Variants in MCMBP observed in about 807,000 individuals in gnomAD.
MCMBP encodes minichromosome maintenance complex binding protein.
A neutral mutation model predicts 81.3 loss-of-function variants in MCMBP; 31 were observed. The observed-to-expected ratio is 0.38, with a 90% confidence interval of 0.29 to 0.51. The LOEUF (loss-of-function observed/expected upper bound fraction) is 0.51, where lower values mean the gene tolerates loss of function less well. Ranked by LOEUF, MCMBP falls within the 20% of genes least tolerant of loss-of-function variation. The pLI, the probability that MCMBP is intolerant of heterozygous loss-of-function variation, is 0.87. For missense variants in MCMBP, 645 were observed against 772.1 expected (o/e 0.84, Z 1.95); for synonymous variants, 267 against 275.9 (o/e 0.97, Z 0.32).
intron 10 of MCMBP, 99 bp downstream of exon 10, chr10:119,842,373 C>T (rs1852462132): frequency 7.4e-7 from 1 of 1,350,922 alleles, no homozygotes; most frequent in Non-Finnish European, 1.0e-6. Context: ...GTGATGAAGC[C>T]CAATAAGGAA....
intron 14 of MCMBP, 48 bp downstream of exon 14, chr10:119,835,492 A>C (rs560047234): frequency 5.3e-6 from 8 of 1,512,370 alleles, no homozygotes; most frequent in African/African-American, 1.4e-5. Context: ...AATTGGTTGC[A>C]TACTGCAATT....
chr10:119,853,415 T>C (rs1275924269), intron 5 of MCMBP, among the ~76,000 whole-genome samples: 1 of 152,190 alleles, frequency 6.6e-6, no homozygotes, highest in Non-Finnish European at 1.5e-5. Flanking sequence ...GGACAAAATA[T>C]GTGAAGCAAC....
At chr10:119,846,466 T>C (rs1050139415) in intron 8 of MCMBP, among the ~76,000 whole-genome samples, 3 of 152,128 alleles carry the variant, frequency 2.0e-5, no homozygotes, top group Non-Finnish European at 2.9e-5. Context: ...CTAAAATAAA[T>C]TGGTGAAAGT....
chr10:119,833,687 G>A (rs1050863913), intron 14 of MCMBP, among the ~76,000 whole-genome samples: 1 of 151,942 alleles, frequency 6.6e-6, no homozygotes, highest in Admixed American at 6.6e-5. Context: ...AAAATGTCTG[G>A]TTTTCAACAA....
rs1332175065 is a variant in MCMBP, at chr10:119,853,189, A to G, written c.435T>C (p.Tyr145=). 1.2e-6 allele frequency: 2 copies of G among 1,612,782 alleles called. No individual in the cohort carries two copies. Among genetic ancestry groups the G allele is most frequent in the African/African-American group, 1.3e-5 (1 of 74,930 alleles). The change falls in exon 6 of 16, where the codon TAT becomes TAC. Residue 145 remains tyrosine, a synonymous_variant. Transcript: ENST00000369077. The part of the protein sequence containing the change: ...PGESTWVKEA[Y]VNANQARVSP... ...TGACTCGAGCTTGGTTTGCATTAACATAGGCGTTAAACGAAAAGTTAAGAA... is the reference window on the plus strand; with the variant it reads ...TGACTCGAGCTTGGTTTGCATTAACGTAGGCGTTAAACGAAAAGTTAAGAA...
intron 5 of MCMBP, among the ~76,000 whole-genome samples, chr10:119,854,952 C>CAAAAAA (rs748009891): frequency 2.1e-5 from 3 of 144,222 alleles, no homozygotes; most frequent in Non-Finnish European, 3.0e-5. Context: ...GACTCTGCCT[C>CAAAAAA]AAAAAAAAAA....
intron 8 of MCMBP, among the ~76,000 whole-genome samples, chr10:119,844,096 C>T (rs1852533282): frequency 6.6e-6 from 1 of 152,188 alleles, no homozygotes; most frequent in Non-Finnish European, 1.5e-5. Flanking sequence ...ATCTCAAAAA[C>T]TGGGGTCTTT....
intron 11 of MCMBP, among the ~76,000 whole-genome samples, chr10:119,839,580 T>C (rs979341748): frequency 6.6e-6 from 1 of 152,146 alleles, no homozygotes; most frequent in East Asian, 1.9e-4. Flanking sequence ...GTTTCAATAA[T>C]TCTCAAAATG....
intron 5 of MCMBP, among the ~76,000 whole-genome samples, chr10:119,854,990 CATA>C (rs1047415121): frequency 4.0e-5 from 6 of 150,680 alleles, no homozygotes; most frequent in Admixed American, 2.0e-4. Context: ...AAATCATAAT[CATA>C]ATAATATCGC....
chr10:119,850,437 A>C (rs1471558269), intron 6 of MCMBP, among the ~76,000 whole-genome samples: 1 of 152,108 alleles, frequency 6.6e-6, no homozygotes, highest in Non-Finnish European at 1.5e-5. Flanking sequence ...GGTCACATGA[A>C]TCTACCTATG....
chr10:119,867,420 T>C, intron 1 of MCMBP, among the ~76,000 whole-genome samples: 1 of 150,798 alleles, frequency 6.6e-6, no homozygotes, highest in South Asian at 2.1e-4. Context: ...ACTTAAAAAC[T>C]CCTACGTATG....
chr10:119,872,292 C>T (rs554280002), intron 1 of MCMBP, among the ~76,000 whole-genome samples: 2 of 152,124 alleles, frequency 1.3e-5, no homozygotes, highest in South Asian at 2.1e-4. Flanking sequence ...ACCTTGGCGG[C>T]TCCCAAGCTG....
chr10:119,873,244 TTTC>T (rs1451918058), upstream of MCMBP, among the ~76,000 whole-genome samples: 1 of 152,194 alleles, frequency 6.6e-6, no homozygotes, highest in Non-Finnish European at 1.5e-5. Flanking sequence ...GTGCCTTTTT[TTTC>T]TTTTTTTGCT....
At chr10:119,865,899 G>A (rs1853433788) in intron 1 of MCMBP, among the ~76,000 whole-genome samples, 1 of 151,538 alleles carries the variant, frequency 6.6e-6, no homozygotes, top group Non-Finnish European at 1.5e-5. Context: ...AACATAGTGA[G>A]ACCCCAAATC....
Position 119,853,062 on chromosome 10 carries a change from C to A in MCMBP, c.562G>T (p.Ala188Ser). 1 of 1,614,116 alleles carries A rather than the reference C, an allele frequency of 6.2e-7. No homozygotes were observed. Residue 188 changes from alanine (A) to serine (S), a missense_variant, in exon 6 of 16, where the codon GCC (alanine) becomes TCC (serine). Ala to Ser is a moderately conservative substitution (Grantham distance 99). Coordinates refer to ENST00000369077, the MANE Select transcript of MCMBP (RefSeq NM_001256378.2). ...PNKQKDQHAG[A>S]RQAGSVGGLQ... ...TGGCACACACTACCTGCTTGTCTGG[C>A]ACCTGCATGTTGGTCTTTCTGCTTA...
Position 119,838,581 on chromosome 10 carries a change from A to G in MCMBP, c.1362T>C (p.Leu454=), listed in dbSNP as rs569672236. The G allele has an allele frequency of 2.5e-6, 4 of 1,614,128 alleles. No individual in the cohort carries two copies. In the South Asian group the frequency reaches 3.3e-5, roughly 13 times the overall value. ...GLLQLPSNTS[L]VIDETLLEQG... ...GTTCCAGGAGAGTCTCATCGATTAC[A>G]AGGGAAGTATTGCTGGGCAGCTGGA... is the stretch of plus-strand genomic sequence containing the variant. The change falls in exon 12 of 16, where the codon CTT becomes CTC. Residue 454 remains leucine, a synonymous_variant. Transcript: ENST00000369077.
At chr10:119,862,054 T>C (rs1404388234) in intron 1 of MCMBP, among the ~76,000 whole-genome samples, 2 of 152,080 alleles carry the variant, frequency 1.3e-5, no homozygotes, top group African/African-American at 4.8e-5. Flanking sequence ...CACCTGTAAT[T>C]CCAGCACTTT....
At chr10:119,836,199 T>G (rs1488196787) in intron 13 of MCMBP, among the ~76,000 whole-genome samples, 2 of 152,262 alleles carry the variant, frequency 1.3e-5, no homozygotes, top group East Asian at 1.9e-4. Context: ...TGAAAGCTTT[T>G]TCTTGGTTAC....
rs1317838692 is a variant in MCMBP, at chr10:119,831,286, T to C, written c.*188A>G. On this transcript the variant is annotated 3_prime_UTR_variant, in exon 16 of 16. Transcript: ENST00000369077. ...TATAAAACAAACTTCAAAAGCTCCA[T>C]GAAATCAGTAAGGTAAAAGTCCTTA... 2.5e-5 allele frequency: 11 copies of C among 441,204 alleles called. No individual in the cohort carries two copies. Among genetic ancestry groups the C allele is most frequent in the African/African-American group, 2.3e-4 (11 of 48,644 alleles). The allele number at this position is 441,204 out of a possible 1,614,324, so 27.3% of individuals were successfully genotyped here.
Sources: gnomAD v4.1 joint callset for allele counts (sites outside exome capture counted in the v4.1 genomes callset) on GRCh38, gnomAD v4.1.1 for gene constraint, MANE v1.5 for transcripts, NCBI Gene and HGNC (gene_info 2026-07-23, HGNC 2026-07-21) for gene names.